CD80: variants seen among roughly 807,000 people sequenced by gnomAD.
The protein encoded by CD80 is CD80 molecule.
A neutral mutation model predicts 27.1 loss-of-function variants in CD80; 13 were observed. The observed-to-expected ratio is 0.48, with a 90% CI of 0.31 to 0.76. The LOEUF (loss-of-function observed/expected upper bound fraction) is 0.76, where lower values mean the gene tolerates loss of function less well. Among genes scored for constraint, CD80 ranks in the 30% least tolerant of loss-of-function variants. The probability of loss-of-function intolerance (pLI) is 0.04; values close to 1 mark genes in which losing one functional copy is unlikely to be tolerated. For missense variants in CD80, 277 were observed against 347.9 expected, an observed-to-expected ratio of 0.80 and a Z score of 1.62; for synonymous variants, 125 against 125.5, an observed-to-expected ratio of 1.00 and a Z score of 0.03.
At chr3:119,558,937 CT>C (rs1413324222) in intron 1 of CD80, among the ~76,000 whole-genome samples, 2 of 152,220 alleles carry the variant, frequency 1.3e-5, no homozygotes, top group African/African-American at 2.4e-5. Context: ...CTTGAGTGTC[CT>C]CTTTGGAGAC....
intron 4 of CD80, among the ~76,000 whole-genome samples, chr3:119,533,924 CT>C (rs1237451498): frequency 6.6e-6 from 1 of 152,112 alleles, no homozygotes; most frequent in Non-Finnish European, 1.5e-5. Flanking sequence ...GCATTATTTG[CT>C]TTTGAATCTT....
intron 2 of CD80, among the ~76,000 whole-genome samples, chr3:119,556,653 T>C (rs2082266456): frequency 6.6e-6 from 1 of 152,198 alleles, no homozygotes; most frequent in Non-Finnish European, 1.5e-5. Context: ...CCAACTCCTC[T>C]TCTCTTCCCT....
At chr3:119,529,748 C>T (rs1479438251) in intron 5 of CD80, 94 bp downstream of exon 5, 16 of 807,256 alleles carry the variant, frequency 2.0e-5, no homozygotes, top group Non-Finnish European at 3.1e-5. Context: ...ACATGAGAAG[C>T]GAATAGGCTA....
intron 2 of CD80, among the ~76,000 whole-genome samples, chr3:119,547,571 TTGATGTAC>T (rs1211685763): frequency 6.6e-6 from 1 of 152,212 alleles, no homozygotes; most frequent in Non-Finnish European, 1.5e-5. Flanking sequence ...CTGTTCCTTA[TTGATGTAC>T]TGAAAGTGAG....
intron 2 of CD80, 141 bp from the exon 3 acceptor site, chr3:119,545,008 C>T (rs2082193075): frequency 3.0e-6 from 2 of 666,980 alleles, no homozygotes; most frequent in Non-Finnish European, 5.1e-6. Flanking sequence ...TTTTTGGGGT[C>T]CCCAATGCTT....
intron 2 of CD80, 46 bp from the exon 3 acceptor site, chr3:119,544,913 G>C: frequency 1.3e-6 from 2 of 1,494,892 alleles, no homozygotes; most frequent in Non-Finnish European, 1.8e-6. Flanking sequence ...ATTAAATACA[G>C]ATTCCTGCAT....
chr3:119,545,840 T>C (rs1346315461), intron 2 of CD80, among the ~76,000 whole-genome samples: 2 of 152,104 alleles, frequency 1.3e-5, no homozygotes, highest in Non-Finnish European at 2.9e-5. Flanking sequence ...TGTGCAAATA[T>C]CTCTTCAAGA....
chr3:119,539,889 A>G (rs2082158002), intron 3 of CD80, among the ~76,000 whole-genome samples: 1 of 152,196 alleles, frequency 6.6e-6, no homozygotes, highest in Admixed American at 6.5e-5. Context: ...TTGCTCATCT[A>G]TAAGATAGGG....
chr3:119,555,803 G>A (rs2082261293), intron 2 of CD80, among the ~76,000 whole-genome samples: 1 of 152,152 alleles, frequency 6.6e-6, no homozygotes, highest in Non-Finnish European at 1.5e-5. Flanking sequence ...AAAGTCTCTT[G>A]GTTTTAGGAG....
chr3:119,556,350 CTG>C (rs2082264745), intron 2 of CD80, among the ~76,000 whole-genome samples: 1 of 151,730 alleles, frequency 6.6e-6, no homozygotes, highest in African/African-American at 2.4e-5. Context: ...CTCCCTCTTT[CTG>C]TCTCTCCCCC....
intron 3 of CD80, among the ~76,000 whole-genome samples, chr3:119,541,927 C>T (rs887333595): frequency 1.3e-5 from 2 of 152,078 alleles, no homozygotes; most frequent in Non-Finnish European, 2.9e-5. Flanking sequence ...CCTTTTCTCA[C>T]TCTTGGATTT....
At chr3:119,537,499 G>T (rs2082145772) in intron 3 of CD80, 81 bp from the exon 4 acceptor site, 1 of 1,027,288 alleles carries the variant, frequency 9.7e-7, no homozygotes, top group African/African-American at 1.6e-5. Context: ...TAATTTTCTA[G>T]CTTTAATAAG....
Position 119,551,952 on chromosome 3 carries a change from CT to C in CD80, c.100+5676del, listed in dbSNP as rs1463786341. ...AGCAGCAGTCAGAAAGGGCCAGAGG[CT>C]GTGAAAGGAGGCGGAGAGAAGGCAG... is the stretch of plus-strand genomic sequence containing the variant. On this transcript the variant is annotated intron_variant, in intron 2 of 6. Transcript: ENST00000264246. Among the ~76,000 whole-genome samples, 3 of 152,328 alleles carry C rather than the reference CT, an allele frequency of 2.0e-5. No individual in the cohort carries two copies. In the East Asian group the frequency reaches 5.8e-4, roughly 29 times the overall value.
chr3:119,548,647 G>A (rs540035737), intron 2 of CD80, among the ~76,000 whole-genome samples: 27 of 152,004 alleles, frequency 1.8e-4, no homozygotes, highest in Admixed American at 5.2e-4. Context: ...CTTGTTTACC[G>A]ATTTCTTCAG....
At chr3:119,553,638 A>G (rs919007658) in intron 2 of CD80, among the ~76,000 whole-genome samples, 1 of 152,158 alleles carries the variant, frequency 6.6e-6, no homozygotes, top group African/African-American at 2.4e-5. Context: ...CTGCCCTCGC[A>G]GGGGTCTGGG....
Position 119,527,713 on chromosome 3 carries a change from G to T in CD80, c.*38+20C>A. ...TGATCCCCACGATCCATGTATCCCA[G>T]AAGAGATGACGGAGGCTACCTTCAG... On this transcript the variant is annotated intron_variant, in intron 6 of 6. Transcript: ENST00000264246. 7.1e-7 allele frequency: 1 copy of T among 1,417,724 alleles called. No homozygotes were observed. The highest frequency in any genetic ancestry group is 1.0e-6 in the Non-Finnish European group (1 of 1,001,400). The allele number at this position is 1,417,724 out of a possible 1,614,324, so 87.8% of individuals were successfully genotyped here.
At chr3:119,556,517 A>G (rs2082265674) in intron 2 of CD80, among the ~76,000 whole-genome samples, 1 of 121,330 alleles carries the variant, frequency 8.2e-6, no homozygotes, top group Non-Finnish European at 1.9e-5. Context: ...TGTCAAATAT[A>G]TAAAAAACCT....
intron 2 of CD80, among the ~76,000 whole-genome samples, chr3:119,551,172 C>T (rs1015561870): frequency 1.3e-5 from 2 of 152,144 alleles, no homozygotes; most frequent in Non-Finnish European, 2.9e-5. Flanking sequence ...GAATGCATGT[C>T]TAGGCATGAG....
intron 4 of CD80, among the ~76,000 whole-genome samples, chr3:119,536,262 T>A (rs1444792025): frequency 1.3e-5 from 2 of 151,996 alleles, no homozygotes; most frequent in Admixed American, 1.3e-4. Flanking sequence ...AAAAAATAAA[T>A]AAATAAATAA....
Sources: allele counts gnomAD v4.1 joint callset (sites outside exome capture counted in the v4.1 genomes callset), GRCh38; gene constraint gnomAD v4.1.1; transcripts MANE v1.5; gene names NCBI Gene and HGNC (gene_info 2026-07-23, HGNC 2026-07-21).